The following RBFOX1 variants were observed in gnomAD, a reference collection of about 807,000 sequenced individuals.
RBFOX1 encodes the protein RNA binding fox-1 homolog 1, also known as RNA binding protein fox-1 homolog 1.
A neutral mutation model predicts 57.7 loss-of-function variants in RBFOX1; 8 were observed. The observed-to-expected ratio is 0.14, with a 90% CI of 0.08 to 0.25. The LOEUF (loss-of-function observed/expected upper bound fraction) is 0.25. RBFOX1 is among the 10% of genes least tolerant of loss of function. The pLI, the probability that RBFOX1 is intolerant of heterozygous loss-of-function variation, is 1.00. For missense variants in RBFOX1, 611 were observed against 548.5 expected, an observed-to-expected ratio of 1.11 and a Z score of -1.14; for synonymous variants, 326 against 222.4, an observed-to-expected ratio of 1.47 and a Z score of -4.15.
intron 4 of RBFOX1, chr16:7,304,303 A>C: frequency 1.0e-6 from 1 of 985,170 alleles, no homozygotes; most frequent in Non-Finnish European, 1.2e-6. Flanking sequence ...AAAAGAAAAA[A>C]AAAAATTGTA....
rs141601922 is a variant in RBFOX1 at position 6,760,682 on chromosome 16, C to T, written c.-16+106032C>T. The stretch of plus-strand genomic sequence containing the variant: ...GCAGAGAGATCCAATCTTTCCCTTT[C>T]TCTGCAAGGTTTGTATTTAGGTTAT... On this transcript the variant is annotated intron_variant, in intron 3 of 15. Coordinates refer to ENST00000550418, the MANE Select transcript of RBFOX1 (RefSeq NM_018723.4). Among the ~76,000 whole-genome samples, 3 of 152,262 alleles carry T rather than the reference C, an allele frequency of 2.0e-5. No homozygotes were observed. The East Asian group carries it at 5.8e-4, about 29-fold the overall frequency.
intron 11 of RBFOX1, among the ~76,000 whole-genome samples, chr16:7,631,466 A>ACT (rs2060948145): frequency 6.6e-6 from 1 of 152,058 alleles, no homozygotes. Context: ...GCCGCCACTG[A>ACT]CTCTACCATG....
chr16:7,436,794 G>C (rs1249176796), intron 4 of RBFOX1, among the ~76,000 whole-genome samples: 1 of 152,140 alleles, frequency 6.6e-6, no homozygotes, highest in Non-Finnish European at 1.5e-5. Context: ...TGGTGCAGTG[G>C]CTCATACCTG....
intron 3 of RBFOX1, among the ~76,000 whole-genome samples, chr16:6,735,531 G>T (rs2069970952): frequency 6.6e-6 from 1 of 152,204 alleles, no homozygotes; most frequent in African/African-American, 2.4e-5. Context: ...GGCAGCTACT[G>T]TTGTGTCTTT....
chr16:6,726,985 G>T lies in RBFOX1; in HGVS notation c.-16+72335G>T, dbSNP rs1027072446. On this transcript the variant is annotated intron_variant, in intron 3 of 15. Coordinates refer to ENST00000550418, the MANE Select transcript of RBFOX1 (RefSeq NM_018723.4). ...TGTGCTACCCAGAGACTGGGAGGCA[G>T]TGCAGACCCAGAGAAATAATGACAT... Among the ~76,000 whole-genome samples the T allele has an allele frequency of 4.0e-5, 6 of 150,402 alleles. 1 individual carries two copies. In the East Asian group the frequency reaches 1.2e-3, roughly 30 times the overall value.
chr16:7,395,200 TGCCTG>T (rs1326083970), intron 4 of RBFOX1, among the ~76,000 whole-genome samples: 3 of 152,066 alleles, frequency 2.0e-5, no homozygotes, highest in Admixed American at 2.0e-4. Context: ...ACCTAACTCT[TGCCTG>T]ATCTATGTAG....
At chr16:7,235,280 C>G (rs923430341) in intron 4 of RBFOX1, among the ~76,000 whole-genome samples, 2 of 152,148 alleles carry the variant, frequency 1.3e-5, no homozygotes, top group Non-Finnish European at 2.9e-5. Flanking sequence ...AGAAAGAAAG[C>G]CACTTGTTCA....
intron 4 of RBFOX1, among the ~76,000 whole-genome samples, chr16:7,180,150 C>T (rs991974399): frequency 1.3e-5 from 2 of 152,010 alleles, no homozygotes; most frequent in Admixed American, 1.3e-4. Context: ...CCATTTTCTG[C>T]CTTGCAGAAC....
At chr16:5,982,575 CT>C (rs1180965737) in intron 4 of RBFOX1, among the ~76,000 whole-genome samples, 13 of 152,324 alleles carry the variant, frequency 8.5e-5, no homozygotes, top group Non-Finnish European at 2.9e-5. Context: ...TGTGCCCAGC[CT>C]GCACATGATT....
intron 4 of RBFOX1, among the ~76,000 whole-genome samples, chr16:7,273,070 C>G (rs1286421719): frequency 1.6e-5 from 2 of 123,758 alleles, no homozygotes; most frequent in Non-Finnish European, 3.4e-5. Flanking sequence ...TTCCCTCCCT[C>G]CTTCCATCCT....
At chr16:7,042,024 C>T (rs544552960) in intron 3 of RBFOX1, among the ~76,000 whole-genome samples, 3 of 152,108 alleles carry the variant, frequency 2.0e-5, no homozygotes, top group Non-Finnish European at 4.4e-5. Context: ...TCCTTAACCT[C>T]CAGTCTCCAT....
intron 3 of RBFOX1, among the ~76,000 whole-genome samples, chr16:5,605,177 C>T (rs1428995239): frequency 6.6e-6 from 1 of 152,142 alleles, no homozygotes; most frequent in Non-Finnish European, 1.5e-5. Flanking sequence ...CAAGGTGCAG[C>T]AGAATGTTGA....
intron 3 of RBFOX1, among the ~76,000 whole-genome samples, chr16:6,757,667 G>A (rs1274650358): frequency 2.6e-5 from 4 of 152,122 alleles, no homozygotes; most frequent in Non-Finnish European, 5.9e-5. Flanking sequence ...GGTGGGATGA[G>A]GGGAGGCTGA....
Position 6,912,859 on chromosome 16 carries a change from A to G in RBFOX1, c.-15-139198A>G, listed in dbSNP as rs1425874185. 2.6e-5 allele frequency among the ~76,000 whole-genome samples: 4 copies of G among 152,058 alleles called. No individual in the cohort carries two copies. In the East Asian group the frequency reaches 5.8e-4, roughly 22 times the overall value. ...AGACTCAAACTCCTGAGCTCAAGTGATCCTCTTGCCTTGACCTCCCAAAGT... is the reference window on the plus strand; with the variant it reads ...AGACTCAAACTCCTGAGCTCAAGTGGTCCTCTTGCCTTGACCTCCCAAAGT... On this transcript the variant is annotated intron_variant, in intron 3 of 15. Transcript: ENST00000550418.
intron 4 of RBFOX1, among the ~76,000 whole-genome samples, chr16:7,396,360 A>T (rs1056120370): frequency 1.3e-5 from 2 of 152,116 alleles, no homozygotes; most frequent in African/African-American, 4.8e-5. Context: ...ATTCAAATGT[A>T]ATGAGAACAA....
In RBFOX1 at chr16:7,320,439, T is replaced by C. The variant is rs554690561; in HGVS notation, c.28-197708T>C. Among the ~76,000 whole-genome samples the C allele has an allele frequency of 2.2e-4, 33 of 152,344 alleles. No individual in the cohort carries two copies. The East Asian group carries it at 5.2e-3, about 24-fold the overall frequency. On this transcript the variant is annotated intron_variant, in intron 4 of 15. Coordinates refer to ENST00000550418, the MANE Select transcript of RBFOX1 (RefSeq NM_018723.4). ...TTTTTTATGGCTGCATAGTATTCCA[T>C]GGTGGGTATGTACCACATTTTCTTT...
chr16:6,439,341 C>T (rs960216127), intron 2 of RBFOX1, among the ~76,000 whole-genome samples: 1 of 152,208 alleles, frequency 6.6e-6, no homozygotes, highest in East Asian at 1.9e-4. Context: ...CGGCCAACCT[C>T]TCCTTTCCCC....
intron 4 of RBFOX1, among the ~76,000 whole-genome samples, chr16:5,986,309 C>G (rs2060284829): frequency 6.6e-6 from 1 of 152,192 alleles, no homozygotes; most frequent in African/African-American, 2.4e-5. Flanking sequence ...GGCCATCTAC[C>G]CGCCCCGGCC....
intron 2 of RBFOX1, among the ~76,000 whole-genome samples, chr16:5,540,742 G>A (rs1237315049): frequency 6.6e-6 from 1 of 152,208 alleles, no homozygotes. Context: ...GCTGCTAAAA[G>A]TATGGTCTGT....
Sources: gnomAD v4.1 joint callset for allele counts (sites outside exome capture counted in the v4.1 genomes callset) on GRCh38, gnomAD v4.1.1 for gene constraint, MANE v1.5 for transcripts, NCBI Gene and HGNC (gene_info 2026-07-23, HGNC 2026-07-21) for gene names.